The following PGBD5 variants were observed in gnomAD, a reference collection of about 807,000 sequenced individuals.
PGBD5 encodes the protein piggyBac transposable element-derived protein 5.
In PGBD5, 14 loss-of-function variants were observed where a neutral mutation model predicts 47.9. The ratio of observed to expected loss-of-function variants is 0.29; its 90% confidence interval spans 0.19 to 0.46. The LOEUF (loss-of-function observed/expected upper bound fraction) is 0.46, where lower values mean the gene tolerates loss of function less well. PGBD5 is among the 20% of genes least tolerant of loss of function. PGBD5 has a pLI of 1.00. For synonymous variants in PGBD5, 316 were observed against 306.3 expected (o/e 1.03, Z -0.33); for missense variants, 635 against 716.0 (o/e 0.89, Z 1.29).
chr1:230,424,110 G>A (rs1452454617), intron 1 of PGBD5, among the ~76,000 whole-genome samples: 5 of 152,186 alleles, frequency 3.3e-5, no homozygotes. Flanking sequence ...TGCAGTCCCA[G>A]GTGGACCTGG....
At chr1:230,417,458 AG>A (rs1558216363) in intron 1 of PGBD5, among the ~76,000 whole-genome samples, 1 of 152,328 alleles carries the variant, frequency 6.6e-6, no homozygotes, top group East Asian at 1.9e-4. Flanking sequence ...TAATAATTAT[AG>A]GTGTTAAATT....
chr1:230,386,834 C>T (rs1266928366), intron 1 of PGBD5, among the ~76,000 whole-genome samples: 1 of 152,138 alleles, frequency 6.6e-6, no homozygotes, highest in African/African-American at 2.4e-5. Flanking sequence ...GTGTTCTGCC[C>T]AGCACTGGGC....
intron 1 of PGBD5, among the ~76,000 whole-genome samples, chr1:230,379,719 C>T (rs534972104): frequency 1.3e-5 from 2 of 152,392 alleles, no homozygotes; most frequent in East Asian, 1.9e-4. Context: ...CCTCTGCACC[C>T]TCGTAGTGAT....
intron 1 of PGBD5, among the ~76,000 whole-genome samples, chr1:230,364,015 C>G (rs1667788930): frequency 6.6e-6 from 1 of 152,174 alleles, no homozygotes; most frequent in Non-Finnish European, 1.5e-5. Flanking sequence ...GAAGGACAAG[C>G]CTATTGTCTA....
At chr1:230,410,006 A>T (rs567171460) in intron 1 of PGBD5, among the ~76,000 whole-genome samples, 14 of 152,328 alleles carry the variant, frequency 9.2e-5, no homozygotes, top group Non-Finnish European at 1.8e-4. Context: ...AGGTTGTGTT[A>T]AAAATATATA....
chr1:230,387,704 A>C (rs1180249311), intron 1 of PGBD5, among the ~76,000 whole-genome samples: 1 of 152,166 alleles, frequency 6.6e-6, no homozygotes, highest in African/African-American at 2.4e-5. Context: ...CCCCCAGGGA[A>C]GAAGTGGAAT....
intron 1 of PGBD5, among the ~76,000 whole-genome samples, chr1:230,410,311 CAG>C (rs1298460741): frequency 1.3e-5 from 2 of 152,146 alleles, no homozygotes; most frequent in African/African-American, 4.8e-5. Context: ...GAATATTTCC[CAG>C]AGAGAAAATA....
chr1:230,399,340 G>A (rs1571859544), intron 1 of PGBD5, among the ~76,000 whole-genome samples: 1 of 152,166 alleles, frequency 6.6e-6, no homozygotes, highest in African/African-American at 2.4e-5. Context: ...TACACTTGGT[G>A]TCTTCTCAGG....
chr1:230,422,338 G>A (rs1657666810), intron 1 of PGBD5, among the ~76,000 whole-genome samples: 1 of 152,016 alleles, frequency 6.6e-6, no homozygotes, highest in African/African-American at 2.4e-5. Context: ...GGCTCAAAAA[G>A]CAGCCGGGCC....
rs1359107138 is a variant in PGBD5 at position 230,321,862 on chromosome 1, G to A, written c.*1563C>T. On this transcript the variant is annotated 3_prime_UTR_variant, in exon 7 of 7. Transcript: ENST00000391860. ...GCACAGCAAGGGTGTTTGGAAACACGATCTGAAATTTGGCCTGCAATCCGT... is the reference window on the plus strand; with the variant it reads ...GCACAGCAAGGGTGTTTGGAAACACAATCTGAAATTTGGCCTGCAATCCGT... The A allele has an allele frequency of 1.3e-5, 2 of 152,576 alleles. No homozygotes were observed. Among genetic ancestry groups the A allele is most frequent in the Non-Finnish European group, 2.9e-5 (2 of 68,038 alleles). 9.5% of individuals were successfully genotyped at this position (152,576 alleles called of 1,614,324 possible). A position where few individuals can be genotyped will look rare whatever the true frequency, so the allele number is the denominator to read the frequency against.
intron 4 of PGBD5, among the ~76,000 whole-genome samples, chr1:230,335,800 G>GACACACACACAGAC (rs1343738283): frequency 3.6e-4 from 1 of 2,762 alleles, no homozygotes. Flanking sequence ...CAGGCACAAA[G>GACACACACACAGAC]ACACACAGAC....
intron 3 of PGBD5, among the ~76,000 whole-genome samples, chr1:230,347,729 T>C (rs187117097): frequency 1.5e-4 from 23 of 152,222 alleles, no homozygotes; most frequent in Admixed American, 1.3e-3. Context: ...CACCATCCCT[T>C]CAACACCTTA....
In PGBD5 at chr1:230,425,694, C is replaced by CGCGGGGCGGTG; in HGVS notation, c.224_234dup (p.Ala79HisfsTer88). 2 of 1,216,314 alleles carry CGCGGGGCGGTG rather than the reference C, an allele frequency of 1.6e-6. No individual in the cohort carries two copies. The highest frequency in any genetic ancestry group is 2.0e-6 in the Non-Finnish European group (2 of 978,158). 75.3% of individuals were successfully genotyped at this position (1,216,314 alleles called of 1,614,324 possible). On this transcript the variant is annotated frameshift_variant, in exon 1 of 7. Coordinates refer to ENST00000391860, the MANE Select transcript of PGBD5 (RefSeq NM_001258311.2). LOFTEE classifies it high-confidence loss of function. The surrounding 1 kb of genome is among the most constrained non-coding windows in gnomAD (Gnocchi z 4.7). The stretch of plus-strand genomic sequence containing the variant: ...TCCTCCGGCTCCTGTGCGTCCGGGG[C>CGCGGGGCGGTG]GCGGGGCGGTGGCGGGGCGGCCCCT...
At chr1:230,397,478 T>C (rs1657015147) in intron 1 of PGBD5, among the ~76,000 whole-genome samples, 1 of 152,224 alleles carries the variant, frequency 6.6e-6, no homozygotes, top group African/African-American at 2.4e-5. Flanking sequence ...TTTTGACACA[T>C]AAAGTGACAT....
intron 1 of PGBD5, among the ~76,000 whole-genome samples, chr1:230,399,192 T>G (rs918150396): frequency 3.9e-5 from 6 of 152,088 alleles, no homozygotes; most frequent in Admixed American, 3.3e-4. Context: ...ATTTTTTTCA[T>G]ATGTAAATAC....
intron 2 of PGBD5, among the ~76,000 whole-genome samples, chr1:230,353,928 G>A (rs1040840490): frequency 2.0e-5 from 3 of 152,174 alleles, no homozygotes; most frequent in African/African-American, 4.8e-5. Flanking sequence ...TGGCAGATGC[G>A]TCTCTGAGAA....
intron 1 of PGBD5, among the ~76,000 whole-genome samples, chr1:230,384,681 G>C (rs1441903499): frequency 6.6e-6 from 1 of 152,246 alleles, no homozygotes; most frequent in Non-Finnish European, 1.5e-5. Context: ...AGCAGAACAA[G>C]AGCACTAGGT....
chr1:230,338,774 T>A (rs937210409), intron 3 of PGBD5, among the ~76,000 whole-genome samples: 2 of 151,930 alleles, frequency 1.3e-5, no homozygotes, highest in African/African-American at 4.8e-5. Context: ...CACTCCAGCC[T>A]AGGCGACAAG....
chr1:230,347,789 T>C (rs900879693), intron 3 of PGBD5, among the ~76,000 whole-genome samples: 2 of 152,170 alleles, frequency 1.3e-5, no homozygotes, highest in East Asian at 3.8e-4. Context: ...TGGTCAGCTG[T>C]GCAGACCTAA....
Sources: gnomAD v4.1 joint callset for allele counts (sites outside exome capture counted in the v4.1 genomes callset) on GRCh38, gnomAD v4.1.1 for gene constraint, Gnocchi (gnomAD v3.1) non-coding constraint, MANE v1.5 for transcripts, NCBI Gene and HGNC (gene_info 2026-07-23, HGNC 2026-07-21) for gene names.